Variants in CAST observed in about 807,000 individuals in gnomAD.
CAST encodes MIR583 host.
Under a neutral mutation model 119.6 loss-of-function variants are expected in CAST, and 76 were observed. That is an observed-to-expected ratio of 0.64 (90% CI 0.53 to 0.77). CAST has a LOEUF of 0.77. CAST is among the 30% of genes least tolerant of loss of function. The pLI, the probability that CAST is intolerant of heterozygous loss-of-function variation, is 0.00. For synonymous variants in CAST, 319 were observed against 331.6 expected (o/e 0.96, Z 0.41); for missense variants, 953 against 946.5 (o/e 1.01, Z -0.09).
the CAST span, among the ~76,000 whole-genome samples, chr5:96,205,374 A>G: frequency 1.3e-5 from 2 of 152,126 alleles, no homozygotes; most frequent in East Asian, 3.9e-4. Flanking sequence ...CTGTAGATAA[A>G]TTGTGTGTTA....
chr5:96,273,056 T>C, the CAST span, among the ~76,000 whole-genome samples: 2 of 152,224 alleles, frequency 1.3e-5, no homozygotes, highest in African/African-American at 4.8e-5. Context: ...TTTACACCAG[T>C]ATACCTTCCT....
At chr5:96,220,242 T>C in the CAST span, among the ~76,000 whole-genome samples, 1,670 of 152,270 alleles carry the variant, frequency 0.011, 38 homozygotes, top group African/African-American at 0.038. Flanking sequence ...GTTTTGAACA[T>C]TGCTTTGTGA....
At chr5:96,115,144 C>A in the CAST span, among the ~76,000 whole-genome samples, 1 of 152,156 alleles carries the variant, frequency 6.6e-6, no homozygotes, top group African/African-American at 2.4e-5. Flanking sequence ...GTTTTTCCTC[C>A]AAAACTTAGT....
chr5:96,234,811 G>A, the CAST span, among the ~76,000 whole-genome samples: 5 of 152,038 alleles, frequency 3.3e-5, no homozygotes, highest in African/African-American at 1.2e-4. Context: ...AGGTGTGTGT[G>A]GGTTGTGTAT....
chr5:96,521,538 CAT>C (rs1257596973), upstream of CAST, among the ~76,000 whole-genome samples: 3 of 152,180 alleles, frequency 2.0e-5, no homozygotes, highest in South Asian at 4.1e-4. Context: ...CATATCCCCA[CAT>C]GTCACATGTT....
the CAST span, among the ~76,000 whole-genome samples, chr5:96,424,149 G>A: frequency 6.6e-6 from 1 of 152,204 alleles, no homozygotes; most frequent in Non-Finnish European, 1.5e-5. Flanking sequence ...GTGAGACAGA[G>A]ACAGTAAAAG....
At chr5:96,013,341 C>T in the CAST span, among the ~76,000 whole-genome samples, 1 of 151,636 alleles carries the variant, frequency 6.6e-6, no homozygotes, top group African/African-American at 2.4e-5. Flanking sequence ...TCCCACTCCA[C>T]CCATTTATAC....
At chr5:96,148,985 C>G in the CAST span, among the ~76,000 whole-genome samples, 1 of 152,184 alleles carries the variant, frequency 6.6e-6, no homozygotes, top group Non-Finnish European at 1.5e-5. Flanking sequence ...AATTTTGAAA[C>G]TGTTATATTT....
the CAST span, among the ~76,000 whole-genome samples, chr5:96,422,316 G>T: frequency 6.6e-6 from 1 of 152,108 alleles, no homozygotes; most frequent in African/African-American, 2.4e-5. Flanking sequence ...CTTCCCTAAG[G>T]CCATAAAGCT....
At chr5:96,414,452 A>G in the CAST span, among the ~76,000 whole-genome samples, 1 of 152,148 alleles carries the variant, frequency 6.6e-6, no homozygotes, top group Admixed American at 6.5e-5. Context: ...CAGAATTTGA[A>G]CCCTACAAAT....
chr5:96,385,482 AT>A, the CAST span, among the ~76,000 whole-genome samples: 1 of 152,382 alleles, frequency 6.6e-6, no homozygotes, highest in Non-Finnish European at 1.5e-5. Flanking sequence ...TTGGCAAATG[AT>A]TTAACCTTTC....
At chr5:96,676,385 C>G (rs1299221614) in intron 2 of CAST, among the ~76,000 whole-genome samples, 2 of 152,150 alleles carry the variant, frequency 1.3e-5, no homozygotes, top group South Asian at 2.1e-4. Context: ...TTATTTTTCT[C>G]TATATTATCA....
chr5:96,048,751 T>G, the CAST span, among the ~76,000 whole-genome samples: 1 of 152,326 alleles, frequency 6.6e-6, no homozygotes, highest in South Asian at 2.1e-4. Flanking sequence ...GCGAAGGCTT[T>G]CATGCATGGC....
At chr5:96,743,867 G>A in intron 16 of CAST, 3 of 658,766 alleles carry the variant, frequency 4.6e-6, no homozygotes, top group Non-Finnish European at 7.5e-6. Context: ...AATCCTGGGG[G>A]GAGTCAGGAG....
chr5:96,201,794 A>C, the CAST span, among the ~76,000 whole-genome samples: 1 of 152,070 alleles, frequency 6.6e-6, no homozygotes, highest in Admixed American at 6.6e-5. Context: ...GTCACAGTGC[A>C]TCCCCCAATC....
chr5:96,461,114 A>G, the CAST span, among the ~76,000 whole-genome samples: 3 of 152,158 alleles, frequency 2.0e-5, no homozygotes, highest in Non-Finnish European at 2.9e-5. Flanking sequence ...ATCATACAAT[A>G]TATGGCATTT....
chr5:96,184,988 C>T, the CAST span, among the ~76,000 whole-genome samples: 35 of 152,326 alleles, frequency 2.3e-4, no homozygotes, highest in Middle Eastern at 3.4e-3. Context: ...TAACTGCATT[C>T]CTTTTTCTCC....
chr5:96,761,356 A>AT (rs1381465907), intron 24 of CAST: 1 of 152,226 alleles, frequency 6.6e-6, no homozygotes, highest in Non-Finnish European at 1.5e-5. Context: ...AATTTAGTAC[A>AT]TTTTGGATTA....
At chr5:96,736,335 G>T in intron 10 of CAST, 95 bp downstream of exon 10, 1 of 698,330 alleles carries the variant, frequency 1.4e-6, no homozygotes, top group Non-Finnish European at 2.4e-6. Flanking sequence ...AATATGAGGG[G>T]GGTAATTTAA....
Sources: gnomAD v4.1 joint callset for allele counts (sites outside exome capture counted in the v4.1 genomes callset) on GRCh38, gnomAD v4.1.1 for gene constraint, MANE v1.5 for transcripts, NCBI Gene and HGNC (gene_info 2026-07-23, HGNC 2026-07-21) for gene names.